MED13L: variants seen among roughly 807,000 people sequenced by gnomAD.
MED13L encodes the protein mediator of RNA polymerase II transcription subunit 13-like.
MED13L carries 7 observed loss-of-function variants against 220.9 expected under a neutral mutation model. That is an observed-to-expected ratio of 0.03 (90% CI 0.02 to 0.06). MED13L has a LOEUF of 0.06. Ranked by LOEUF, MED13L falls within the 10% of genes least tolerant of loss-of-function variation. The probability of loss-of-function intolerance (pLI) is 1.00; values close to 1 mark genes in which losing one functional copy is unlikely to be tolerated. For missense variants in MED13L, 1,965 were observed against 2,760.5 expected, an observed-to-expected ratio of 0.71 and a Z score of 6.46; for synonymous variants, 1,011 against 1,015.2, an observed-to-expected ratio of 1.00 and a Z score of 0.08.
intron 3 of MED13L, among the ~76,000 whole-genome samples, chr12:116,102,739 T>TTTTTTTTTTTTTTTG (rs1252419011): frequency 1.6e-5 from 2 of 126,482 alleles, no homozygotes; most frequent in African/African-American, 6.2e-5. Context: ...TTTTTTTTTT[T>TTTTTTTTTTTTTTTG]GATACGGAGT....
At chr12:116,135,978 A>G (rs894523064) in intron 2 of MED13L, among the ~76,000 whole-genome samples, 1 of 148,516 alleles carries the variant, frequency 6.7e-6, no homozygotes, top group Admixed American at 6.8e-5. Context: ...ATCTCGGCTC[A>G]CTGCAACCTC....
chr12:116,211,694 A>G (rs1177228753), intron 2 of MED13L, among the ~76,000 whole-genome samples: 1 of 152,214 alleles, frequency 6.6e-6, no homozygotes, highest in African/African-American at 2.4e-5. Flanking sequence ...ATAAACCTAG[A>G]AAGTTCAAAG....
intron 4 of MED13L, among the ~76,000 whole-genome samples, chr12:116,081,273 AAG>A (rs1319493187): frequency 1.3e-5 from 2 of 152,174 alleles, no homozygotes; most frequent in Non-Finnish European, 2.9e-5. Context: ...TCACTAATTA[AAG>A]AGTTATGAAA....
intron 3 of MED13L, among the ~76,000 whole-genome samples, chr12:116,104,559 C>T (rs898319464): frequency 6.6e-6 from 1 of 152,160 alleles, no homozygotes; most frequent in South Asian, 2.1e-4. Flanking sequence ...GGTAAATATG[C>T]TAACAATCCA....
chr12:116,188,046 G>C (rs1881011911), intron 2 of MED13L, among the ~76,000 whole-genome samples: 2 of 151,744 alleles, frequency 1.3e-5, no homozygotes, highest in African/African-American at 4.8e-5. Context: ...ATTTATTTGT[G>C]GTTTTTCAGG....
intron 7 of MED13L, among the ~76,000 whole-genome samples, chr12:116,016,002 A>G (rs1879702066): frequency 1.3e-5 from 2 of 152,138 alleles, no homozygotes; most frequent in African/African-American, 4.8e-5. Flanking sequence ...AACTATGTTC[A>G]TTATGATTAT....
At chr12:116,141,181 G>A (rs1255957329) in intron 2 of MED13L, among the ~76,000 whole-genome samples, 1 of 151,934 alleles carries the variant, frequency 6.6e-6, no homozygotes, top group East Asian at 1.9e-4. Flanking sequence ...TCCATACTAG[G>A]TACCTAATAT....
At position 115,982,478 on chromosome 12, in the gene MED13L, G is replaced by A. The variant is rs914124269; in HGVS notation, c.5081C>T (p.Thr1694Ile). 7 of 1,614,052 alleles carry A rather than the reference G, an allele frequency of 4.3e-6. No individual in the cohort carries two copies. In the East Asian group the frequency reaches 1.3e-4, roughly 31 times the overall value. ...GCTCAACAGCCAAAAGTTCCCAGAA[G>A]TGGAGTCCTCCTCTGCAGCATACGT... is the stretch of plus-strand genomic sequence containing the variant. ...PFTYAAEEDS[T>I]SGNFWLLSLM... is the part of the protein sequence containing the mutation. The change falls in exon 22 of 31, where the codon ACT becomes ATT. Residue 1694 changes from threonine to isoleucine, a missense_variant. Thr to Ile is a moderately conservative substitution (Grantham distance 89, BLOSUM62 -1). This residue lies in a region of MED13L where 510 missense variants were observed against 620.4 expected (regional missense o/e 0.82). Coordinates refer to ENST00000281928, the MANE Select transcript of MED13L (RefSeq NM_015335.5).
chr12:116,109,898 T>C (rs1178611734), intron 3 of MED13L, among the ~76,000 whole-genome samples: 1 of 152,096 alleles, frequency 6.6e-6, no homozygotes, highest in Non-Finnish European at 1.5e-5. Flanking sequence ...AATAGAGAAA[T>C]CTTCCGTCAG....
chr12:116,216,482 T>C (rs1387553371), intron 2 of MED13L, among the ~76,000 whole-genome samples: 1 of 152,184 alleles, frequency 6.6e-6, no homozygotes, highest in Admixed American at 6.5e-5. Context: ...TACTAGCATC[T>C]AAACCTTCAA....
chr12:116,060,203 C>T (rs1362821307), intron 4 of MED13L, among the ~76,000 whole-genome samples: 1 of 152,030 alleles, frequency 6.6e-6, no homozygotes, highest in Admixed American at 6.6e-5. Flanking sequence ...TTAAAACTGT[C>T]TCAAGTAGTT....
intron 4 of MED13L, among the ~76,000 whole-genome samples, chr12:116,067,881 A>G (rs1262524974): frequency 2.0e-5 from 3 of 152,244 alleles, no homozygotes; most frequent in African/African-American, 7.2e-5. Context: ...AAGACTCAAT[A>G]AAGGACAACA....
chr12:116,189,973 T>G (rs1199060860), intron 2 of MED13L, among the ~76,000 whole-genome samples: 7 of 152,172 alleles, frequency 4.6e-5, no homozygotes, highest in African/African-American at 1.7e-4. Context: ...CCTTGGGATC[T>G]TCCATGTAAA....
chr12:116,002,951 T>C, intron 14 of MED13L, 52 bp downstream of exon 14: 1 of 1,350,884 alleles, frequency 7.4e-7, no homozygotes, highest in Non-Finnish European at 1.1e-6. Flanking sequence ...GAATATTATA[T>C]CTAAGTTACA....
chr12:115,999,615 TTTAAG>T (rs1335063334), intron 14 of MED13L, among the ~76,000 whole-genome samples: 2 of 152,208 alleles, frequency 1.3e-5, no homozygotes, highest in Non-Finnish European at 2.9e-5. Flanking sequence ...ATAAATTCTC[TTTAAG>T]TTAAAAGGAT....
chr12:116,137,884 T>C (rs2138033828), intron 2 of MED13L, among the ~76,000 whole-genome samples: 1 of 144,904 alleles, frequency 6.9e-6, no homozygotes, highest in East Asian at 2.0e-4. Context: ...GAGATGGAGT[T>C]TTGCTCTTGT....
chr12:116,189,604 T>C (rs1390998133), intron 2 of MED13L, among the ~76,000 whole-genome samples: 4 of 152,200 alleles, frequency 2.6e-5, no homozygotes, highest in African/African-American at 4.8e-5. Context: ...AAAAGTTTTA[T>C]AGTTTACTTA....
chr12:116,258,161 T>C (rs1203761667), intron 1 of MED13L, among the ~76,000 whole-genome samples: 1 of 152,160 alleles, frequency 6.6e-6, no homozygotes, highest in South Asian at 2.1e-4. Flanking sequence ...AGAATTTAGA[T>C]AGAAGAAAGA....
chr12:116,015,584 A>C (rs919704263), intron 7 of MED13L, among the ~76,000 whole-genome samples: 1 of 152,226 alleles, frequency 6.6e-6, no homozygotes, highest in African/African-American at 2.4e-5. Flanking sequence ...TATTGGAAAC[A>C]ACTTAGAAGC....
Sources: allele counts gnomAD v4.1 joint callset (sites outside exome capture counted in the v4.1 genomes callset), GRCh38; gene constraint gnomAD v4.1.1; regional missense constraint gnomAD v4.1.1; transcripts MANE v1.5; gene names NCBI Gene and HGNC (gene_info 2026-07-23, HGNC 2026-07-21).